The following BCAP29 variants were observed in gnomAD, a reference collection of about 807,000 sequenced individuals.
The protein encoded by BCAP29 is B cell receptor associated protein 29.
BCAP29 carries 34 observed loss-of-function variants against 31.8 expected under a neutral mutation model. The observed-to-expected ratio is 1.07, with a 90% confidence interval of 0.81 to 1.42. The LOEUF (loss-of-function observed/expected upper bound fraction) is 1.42. BCAP29 is among the 40% of genes most tolerant of loss of function. The pLI is 0.00. For missense variants in BCAP29, 314 were observed against 269.2 expected (o/e 1.17, Z -1.16); for synonymous variants, 104 against 91.3 (o/e 1.14, Z -0.79).
chr7:107,613,081 T>C (rs1295729004), intron 6 of BCAP29, among the ~76,000 whole-genome samples: 1 of 151,648 alleles, frequency 6.6e-6, no homozygotes, highest in Non-Finnish European at 1.5e-5. Flanking sequence ...TAGATAATAT[T>C]TTGTTTCTGG....
chr7:107,586,752 G>T (rs1807771728), intron 3 of BCAP29, among the ~76,000 whole-genome samples: 1 of 145,364 alleles, frequency 6.9e-6, no homozygotes, highest in African/African-American at 2.5e-5. Context: ...TTTTGTGACG[G>T]GGTCTCACTC....
At chr7:107,586,076 A>C (rs1807631903) in intron 3 of BCAP29, among the ~76,000 whole-genome samples, 1 of 152,230 alleles carries the variant, frequency 6.6e-6, no homozygotes. Context: ...GAGTAGCCCA[A>C]GAAAGGAAGG....
intron 6 of BCAP29, 94 bp downstream of exon 6, chr7:107,600,599 AATGTTCT>A (rs1420452197): frequency 3.8e-5 from 25 of 660,176 alleles, no homozygotes; most frequent in Non-Finnish European, 5.9e-5. Flanking sequence ...CTAATGCCTA[AATGTTCT>A]TCTAAGATAC....
intron 6 of BCAP29, among the ~76,000 whole-genome samples, chr7:107,610,200 A>G (rs1315577319): frequency 6.6e-6 from 1 of 152,194 alleles, no homozygotes; most frequent in Non-Finnish European, 1.5e-5. Context: ...AAAAATATCT[A>G]ATGGACCATA....
In BCAP29 at chr7:107,583,857, CTAATA is replaced by C; in HGVS notation, c.93-20_93-16del. ...AAACTTTATTTTAGTTTTTTTATACCTAATATAATTGTATTGCTTTACAGATGGCA... is the reference window on the plus strand; with the variant it reads ...AAACTTTATTTTAGTTTTTTTATACCTAATTGTATTGCTTTACAGATGGCA... On this transcript the variant is annotated intron_variant, in intron 2 of 7. Transcript: ENST00000005259. 1 of 1,231,596 alleles carries C rather than the reference CTAATA, an allele frequency of 8.1e-7. No individual in the cohort carries two copies. Among genetic ancestry groups the C allele is most frequent in the Non-Finnish European group, 1.1e-6 (1 of 881,822 alleles). The allele number at this position is 1,231,596 out of a possible 1,614,324, so 76.3% of individuals were successfully genotyped here.
At chr7:107,608,871 C>T (rs770055989) in intron 6 of BCAP29, among the ~76,000 whole-genome samples, 2 of 152,174 alleles carry the variant, frequency 1.3e-5, no homozygotes, top group African/African-American at 4.8e-5. Flanking sequence ...ATGCTTAAAG[C>T]TTACACTTTT....
At chr7:107,602,670 A>G (rs575116099) in intron 6 of BCAP29, among the ~76,000 whole-genome samples, 1 of 152,286 alleles carries the variant, frequency 6.6e-6, no homozygotes, top group Non-Finnish European at 1.5e-5. Flanking sequence ...ATTGGAAACA[A>G]AACGTAAATA....
At chr7:107,596,886 T>C (rs1011173109) in intron 5 of BCAP29, among the ~76,000 whole-genome samples, 10 of 152,356 alleles carry the variant, frequency 6.6e-5, no homozygotes, top group South Asian at 4.1e-4. Context: ...AGGAAACTTA[T>C]GTCATGATTA....
At chr7:107,597,474 C>T (rs1269197346) in intron 5 of BCAP29, among the ~76,000 whole-genome samples, 1 of 152,204 alleles carries the variant, frequency 6.6e-6, no homozygotes, top group Non-Finnish European at 1.5e-5. Context: ...TGTGACCTAG[C>T]ACAAATCACC....
chr7:107,581,812 C>T (rs1385149715), intron 2 of BCAP29, among the ~76,000 whole-genome samples: 3 of 152,176 alleles, frequency 2.0e-5, no homozygotes, highest in Non-Finnish European at 4.4e-5. Flanking sequence ...CCTTCTCTAT[C>T]AGCTAAGCTA....
At chr7:107,613,499 G>A in intron 7 of BCAP29, 67 bp downstream of exon 7, 1 of 1,382,474 alleles carries the variant, frequency 7.2e-7, no homozygotes, top group Non-Finnish European at 1.0e-6. Context: ...TAAATTATTT[G>A]GGTTATTTGT....
rs1017269102 is a variant in BCAP29, at chr7:107,601,564, C to G, written c.589+1059C>G. ...TATTATGTAGTTGGCATAGTATAGC[C>G]CAAAATTCAAGAATCTTCTAGTTGG... On this transcript the variant is annotated intron_variant, in intron 6 of 7. Transcript: ENST00000005259. Among the ~76,000 whole-genome samples, 15 of 152,058 alleles carry G rather than the reference C, an allele frequency of 9.9e-5. No homozygotes were observed. In the East Asian group the frequency reaches 2.5e-3, roughly 25 times the overall value.
chr7:107,590,953 A>G (rs1808624450), intron 3 of BCAP29, among the ~76,000 whole-genome samples: 2 of 152,214 alleles, frequency 1.3e-5, no homozygotes. Context: ...AATTCAGTGT[A>G]TCAGTAATTG....
chr7:107,621,273 C>A (rs1814947719), downstream of BCAP29: 1 of 193,394 alleles, frequency 5.2e-6, no homozygotes, highest in African/African-American at 2.4e-5. Flanking sequence ...TCCATGGAAC[C>A]CTCCTGTGTT....
Position 107,595,893 on chromosome 7 carries a change from T to C in BCAP29, c.371T>C (p.Ile124Thr), listed in dbSNP as rs1809726804. 1.8e-5 allele frequency: 29 copies of C among 1,603,932 alleles called. No homozygotes were observed. The highest frequency in any genetic ancestry group is 2.4e-5 in the Non-Finnish European group (28 of 1,177,142). Reference protein sequence around the residue: ...WLVLRRLVTLITQLAKELSNK... With the variant: ...WLVLRRLVTLTTQLAKELSNK... ...GTTTTGAGACGTCTGGTTACGCTTA[T>C]TACTCAACTGGCAAAAGAACTGTCA... The change falls in exon 5 of 8, where the codon ATT (isoleucine) becomes ACT (threonine). Residue 124 changes from isoleucine to threonine, a missense_variant. Physicochemically the swap from Ile to Thr is moderately conservative, Grantham distance 89 (BLOSUM62 -1). Transcript: ENST00000005259.
chr7:107,591,921 G>C (rs569440024), intron 3 of BCAP29, among the ~76,000 whole-genome samples: 49 of 152,066 alleles, frequency 3.2e-4, no homozygotes, highest in African/African-American at 1.2e-3. Flanking sequence ...GACAAATTCA[G>C]AATGTGAGAA....
chr7:107,592,359 GAGAAATGCAAATAAAAACCACAA>G (rs1237125310), intron 3 of BCAP29, among the ~76,000 whole-genome samples: 1 of 152,174 alleles, frequency 6.6e-6, no homozygotes, highest in African/African-American at 2.4e-5. Flanking sequence ...TTAGCTATCA[GAGAAATGCAAATAAAAACCACAA>G]AGAAATGCCA....
intron 5 of BCAP29, among the ~76,000 whole-genome samples, chr7:107,599,744 C>A (rs1000661160): frequency 2.0e-5 from 3 of 151,968 alleles, no homozygotes; most frequent in African/African-American, 7.3e-5. Context: ...TTATTTTGAT[C>A]AGTTGTTTTA....
intron 6 of BCAP29, among the ~76,000 whole-genome samples, chr7:107,612,581 A>G (rs1339015551): frequency 6.6e-6 from 1 of 151,662 alleles, no homozygotes; most frequent in Non-Finnish European, 1.5e-5. Flanking sequence ...TTGTCTTCCT[A>G]TATATTGCTG....
Sources: allele counts gnomAD v4.1 joint callset (sites outside exome capture counted in the v4.1 genomes callset), GRCh38; gene constraint gnomAD v4.1.1; transcripts MANE v1.5; gene names NCBI Gene and HGNC (gene_info 2026-07-23, HGNC 2026-07-21).